DYM: variants seen among roughly 807,000 people sequenced by gnomAD.
The protein encoded by DYM is dymeclin, also known as dyggve-Melchior-Clausen syndrome protein.
In DYM, 78 loss-of-function variants were observed where a neutral mutation model predicts 93.1. The observed-to-expected ratio is 0.84, with a 90% CI of 0.70 to 1.01. DYM has a LOEUF of 1.01. Among genes scored for constraint, DYM ranks in the 50% least tolerant of loss-of-function variants. The pLI is 0.00. For missense variants in DYM, 789 were observed against 845.0 expected (o/e 0.93, Z 0.82); for synonymous variants, 321 against 319.7 (o/e 1.00, Z -0.04).
chr18:49,098,612 A>T (rs999063113), intron 16 of DYM, among the ~76,000 whole-genome samples: 2 of 152,228 alleles, frequency 1.3e-5, no homozygotes, highest in African/African-American at 2.4e-5. Context: ...TTGTGATTCC[A>T]GATAAACCAT....
intron 2 of DYM, among the ~76,000 whole-genome samples, chr18:49,410,683 T>G (rs1600037963): frequency 6.7e-6 from 1 of 149,564 alleles, no homozygotes; most frequent in Non-Finnish European, 1.5e-5. Flanking sequence ...CATGGTAGAG[T>G]GCCTGTAGTC....
At chr18:49,297,346 A>G (rs2060625832) in intron 8 of DYM, among the ~76,000 whole-genome samples, 1 of 152,244 alleles carries the variant, frequency 6.6e-6, no homozygotes, top group African/African-American at 2.4e-5. Flanking sequence ...ATACATCAAT[A>G]TAAAGTTCAA....
At chr18:49,165,770 A>G (rs1191669014) in intron 14 of DYM, among the ~76,000 whole-genome samples, 1 of 152,192 alleles carries the variant, frequency 6.6e-6, no homozygotes, top group Non-Finnish European at 1.5e-5. Flanking sequence ...CTGAGGATAT[A>G]TCTGAACGAA....
intron 17 of DYM, among the ~76,000 whole-genome samples, chr18:49,045,766 G>A (rs35807361): frequency 0.37 from 55,866 of 151,928 alleles, 12,277 homozygotes; most frequent in Middle Eastern, 0.56. Flanking sequence ...GCCCCGCACA[G>A]GAAAGGCCTG....
chr18:49,050,747 G>A (rs972187408), intron 17 of DYM, among the ~76,000 whole-genome samples: 2 of 152,072 alleles, frequency 1.3e-5, no homozygotes, highest in African/African-American at 2.4e-5. Flanking sequence ...GGCCTCTCTC[G>A]GCTCACTGGC....
chr18:49,183,705 C>G (rs1486415872), intron 14 of DYM, among the ~76,000 whole-genome samples: 2 of 152,100 alleles, frequency 1.3e-5, no homozygotes, highest in African/African-American at 4.8e-5. Flanking sequence ...TTGAACTGAA[C>G]TCAGAAATAA....
intron 2 of DYM, among the ~76,000 whole-genome samples, chr18:49,410,647 CA>C (rs200205718): frequency 0.023 from 3,081 of 134,716 alleles, 31 homozygotes; most frequent in South Asian, 0.037. Context: ...TTTTCTCTAC[CA>C]AAAAAAAAAA....
At chr18:49,179,880 A>G (rs193300822) in intron 14 of DYM, among the ~76,000 whole-genome samples, 4 of 152,282 alleles carry the variant, frequency 2.6e-5, no homozygotes, top group Admixed American at 2.6e-4. Context: ...AGAAAGCAAA[A>G]GATACTTTAT....
At chr18:49,396,144 C>T (rs181832594) in intron 2 of DYM, among the ~76,000 whole-genome samples, 2 of 152,276 alleles carry the variant, frequency 1.3e-5, no homozygotes, top group Non-Finnish European at 1.5e-5. Context: ...ATGCTGGTAC[C>T]AGCCTGCAGA....
At chr18:49,394,887 A>T (rs4939869) in intron 2 of DYM, among the ~76,000 whole-genome samples, 151,566 of 152,328 alleles carry the variant, frequency 0.99, 75,411 homozygotes, top group Middle Eastern at 1. Flanking sequence ...AGAACACACA[A>T]TGGGGAAAGA....
intron 14 of DYM, among the ~76,000 whole-genome samples, chr18:49,173,109 G>C (rs2088958913): frequency 6.6e-6 from 1 of 151,612 alleles, no homozygotes; most frequent in Non-Finnish European, 1.5e-5. Context: ...TGGCACCCTT[G>C]TTGAAATTTC....
rs548219259 is a variant in DYM, at chr18:49,329,575, G to A, written c.763+2289C>T. 113 of 152,350 alleles carry A rather than the reference G, an allele frequency of 7.4e-4. 2 individuals are homozygous for A. The highest frequency in any genetic ancestry group is 2.7e-3 in the African/African-American group (112 of 41,584). 9.4% of individuals were successfully genotyped at this position (152,350 alleles called of 1,614,324 possible). ...GAAGAAACTGCAGAAGGCCTTGCCTGACTCATAGGAGGGTCCAAGCAAGTG... is the reference window on the plus strand; with the variant it reads ...GAAGAAACTGCAGAAGGCCTTGCCTAACTCATAGGAGGGTCCAAGCAAGTG... On this transcript the variant is annotated intron_variant, in intron 8 of 17. Coordinates refer to ENST00000675505, the MANE Select transcript of DYM (RefSeq NM_001353214.3).
intron 8 of DYM, among the ~76,000 whole-genome samples, chr18:49,328,107 CAACT>C (rs1226369819): frequency 6.6e-6 from 1 of 152,060 alleles, no homozygotes; most frequent in Non-Finnish European, 1.5e-5. Flanking sequence ...AAATTAAAAC[CAACT>C]ATTTCTGATA....
intron 1 of DYM, among the ~76,000 whole-genome samples, chr18:49,441,350 AT>A (rs1568455583): frequency 1.2e-5 from 1 of 86,068 alleles, no homozygotes; most frequent in East Asian, 4.5e-4. Flanking sequence ...TATAATTAAT[AT>A]ATAATTATAT....
intron 14 of DYM, among the ~76,000 whole-genome samples, chr18:49,192,065 A>T (rs1381801162): frequency 6.7e-6 from 1 of 148,630 alleles, no homozygotes; most frequent in Non-Finnish European, 1.5e-5. Context: ...GCCTCCTGGG[A>T]CTATACATAT....
At chr18:49,212,078 C>T (rs1427939299) in intron 13 of DYM, among the ~76,000 whole-genome samples, 1 of 152,056 alleles carries the variant, frequency 6.6e-6, no homozygotes, top group Non-Finnish European at 1.5e-5. Flanking sequence ...CCCAAAAAAT[C>T]AAGCAAACCA....
Position 49,433,152 on chromosome 18 carries a change from A to G in DYM, c.-53-2705T>C, listed in dbSNP as rs143039783. ...ATGGAGCAGGCTGGGACAAGAGTCAAAACAGCTCCCGGATCAACCAGGAGA... is the reference window on the plus strand; with the variant it reads ...ATGGAGCAGGCTGGGACAAGAGTCAGAACAGCTCCCGGATCAACCAGGAGA... On this transcript the variant is annotated intron_variant, in intron 1 of 17. Transcript: ENST00000675505. Among the ~76,000 whole-genome samples, 333 of 152,310 alleles carry G rather than the reference A, an allele frequency of 2.2e-3. 4 individuals carry two copies. Among genetic ancestry groups the G allele is most frequent in the African/African-American group, 7.6e-3 (315 of 41,562 alleles).
intron 9 of DYM, among the ~76,000 whole-genome samples, chr18:49,285,630 G>C (rs1385459694): frequency 1.3e-5 from 2 of 152,218 alleles, no homozygotes; most frequent in African/African-American, 4.8e-5. Flanking sequence ...ACACCACATA[G>C]CCTAGTTGTG....
rs1399242945 is a variant in DYM at position 49,155,181 on chromosome 18, GCA to G, written c.1728+8502_1728+8503del. Among the ~76,000 whole-genome samples, 7 of 152,058 alleles carry G rather than the reference GCA, an allele frequency of 4.6e-5. No homozygotes were observed. In the East Asian group the frequency reaches 1.3e-3, roughly 29 times the overall value. On this transcript the variant is annotated intron_variant, in intron 15 of 17. Transcript: ENST00000675505. ...GGAACTGCATATCTAGCTGACTTTC[GCA>G]GTTTCTAAAGTCAAATCACTCAAAC...
Sources: allele counts gnomAD v4.1 joint callset (sites outside exome capture counted in the v4.1 genomes callset), GRCh38; gene constraint gnomAD v4.1.1; transcripts MANE v1.5; gene names NCBI Gene and HGNC (gene_info 2026-07-23, HGNC 2026-07-21).